The following ATF1 variants were observed in gnomAD, a reference collection of about 807,000 sequenced individuals.
The protein encoded by ATF1 is cyclic AMP-dependent transcription factor ATF-1.
Under a neutral mutation model 34.7 loss-of-function variants are expected in ATF1, and 16 were observed. That is an observed-to-expected ratio of 0.46 (90% CI 0.31 to 0.70). The LOEUF (loss-of-function observed/expected upper bound fraction) is 0.70, where lower values mean the gene tolerates loss of function less well. Ranked by LOEUF, ATF1 falls within the 30% of genes least tolerant of loss-of-function variation. The pLI is 0.05. For missense variants in ATF1, 255 were observed against 321.6 expected, an observed-to-expected ratio of 0.79 and a Z score of 1.58; for synonymous variants, 105 against 113.1, an observed-to-expected ratio of 0.93 and a Z score of 0.46.
chr12:50,767,220 T>TAA (rs71086474), intron 1 of ATF1, among the ~76,000 whole-genome samples: 58 of 147,388 alleles, frequency 3.9e-4, no homozygotes, highest in African/African-American at 8.0e-4. Context: ...AGTGAATGGT[T>TAA]AAAAAAAAAA....
chr12:50,819,532 T>C (rs1305627849), intron 6 of ATF1, 103 bp from the exon 7 acceptor site: 2 of 1,338,586 alleles, frequency 1.5e-6, no homozygotes, highest in East Asian at 4.7e-5. Context: ...AGATGATACT[T>C]TAAAGAGAAA....
At chr12:50,775,326 T>G (rs539432572) in intron 1 of ATF1, among the ~76,000 whole-genome samples, 77 of 151,418 alleles carry the variant, frequency 5.1e-4, no homozygotes, top group African/African-American at 1.1e-3. Context: ...ATATGTGTGT[T>G]TTTTTTTTGA....
At chr12:50,807,663 G>A (rs1163553748) in intron 3 of ATF1, among the ~76,000 whole-genome samples, 1 of 151,614 alleles carries the variant, frequency 6.6e-6, no homozygotes, top group South Asian at 2.1e-4. Context: ...ATTATTTTTT[G>A]TTGTTGTTTT....
intron 6 of ATF1, among the ~76,000 whole-genome samples, chr12:50,814,868 T>G (rs1941810781): frequency 6.6e-6 from 1 of 150,638 alleles, no homozygotes; most frequent in Admixed American, 6.7e-5. Context: ...GCATGGTGGC[T>G]CACGCCTGTA....
rs1941933809 is a variant in ATF1 at position 50,820,734 on chromosome 12, T to C, written c.*955T>C. 5.6e-6 allele frequency: 1 copy of C among 179,254 alleles called. No individual in the cohort carries two copies. Among genetic ancestry groups the C allele is most frequent in the Non-Finnish European group, 1.2e-5 (1 of 83,390 alleles). 11.1% of individuals were successfully genotyped at this position (179,254 alleles called of 1,614,324 possible). A position where few individuals can be genotyped will look rare whatever the true frequency, so the allele number is the denominator to read the frequency against. On this transcript the variant is annotated 3_prime_UTR_variant, in exon 7 of 7. Transcript: ENST00000262053. ...ATCAGATTCTATAATAGTATAGTTATTAAGGCAATTTTATGTTAGAGACTA... is the reference window on the plus strand; with the variant it reads ...ATCAGATTCTATAATAGTATAGTTACTAAGGCAATTTTATGTTAGAGACTA...
chr12:50,811,382 C>A (rs1476768994), intron 4 of ATF1, among the ~76,000 whole-genome samples: 2 of 152,000 alleles, frequency 1.3e-5, no homozygotes, highest in Non-Finnish European at 1.5e-5. Flanking sequence ...GGGAAAGAAC[C>A]TTTTGTTTCA....
intron 2 of ATF1, among the ~76,000 whole-genome samples, chr12:50,784,672 C>T (rs1422785464): frequency 2.6e-5 from 4 of 151,722 alleles, no homozygotes; most frequent in Admixed American, 2.0e-4. Flanking sequence ...CGTTATCTGG[C>T]GTATCTTAAA....
chr12:50,780,087 T>C (rs1565903001), intron 1 of ATF1, 53 bp from the exon 2 acceptor site: 4 of 1,363,894 alleles, frequency 2.9e-6, no homozygotes, highest in Non-Finnish European at 4.2e-6. Flanking sequence ...TATAGTATAC[T>C]GTAAACATTC....
intron 4 of ATF1, among the ~76,000 whole-genome samples, 183 bp from the exon 5 acceptor site, chr12:50,813,827 A>C (rs1432313704): frequency 8.5e-5 from 13 of 152,186 alleles, no homozygotes; most frequent in Admixed American, 8.5e-4. Flanking sequence ...AAAGAAAAAA[A>C]AAAAAGAAAT....
intron 6 of ATF1, 130 bp from the exon 7 acceptor site, chr12:50,819,505 A>T (rs185457687): frequency 1.9e-6 from 2 of 1,032,058 alleles, no homozygotes; most frequent in Non-Finnish European, 2.8e-6. Context: ...CTTAAGATCT[A>T]TGTATTCTCT....
chr12:50,796,013 A>T lies in ATF1; in HGVS notation c.194+4A>T. 6.3e-7 allele frequency: 1 copy of T among 1,598,630 alleles called. No individual in the cohort carries two copies. The highest frequency in any genetic ancestry group is 8.5e-7 in the Non-Finnish European group (1 of 1,172,648). On this transcript the variant is annotated splice_donor_region_variant and intron_variant, in intron 3 of 6. Transcript: ENST00000262053. ...TAGCACGGCGCCCATCTTACAGGTG[A>T]GTACTCTCTTGTATGAAGCCCTGCA...
At chr12:50,814,635 C>T (rs1054364203) in intron 6 of ATF1, among the ~76,000 whole-genome samples, 196 bp downstream of exon 6, 5 of 152,122 alleles carry the variant, frequency 3.3e-5, no homozygotes, top group Non-Finnish European at 7.3e-5. Context: ...TGTCATAGTG[C>T]AACACATTAC....
intron 1 of ATF1, among the ~76,000 whole-genome samples, chr12:50,774,994 T>C (rs561571592): frequency 1.3e-5 from 2 of 152,126 alleles, no homozygotes; most frequent in Non-Finnish European, 2.9e-5. Flanking sequence ...TCCGCCTGCC[T>C]CGGCCTCCCA....
intron 2 of ATF1, among the ~76,000 whole-genome samples, chr12:50,784,553 G>A (rs901635415): frequency 3.3e-5 from 5 of 152,156 alleles, no homozygotes; most frequent in African/African-American, 4.8e-5. Context: ...GAGAGGGTTG[G>A]GGTGCGAAGA....
At chr12:50,796,103 C>T (rs1019417564) in intron 3 of ATF1, 94 bp downstream of exon 3, 38 of 1,030,376 alleles carry the variant, frequency 3.7e-5, no homozygotes, top group Middle Eastern at 2.5e-4. Flanking sequence ...AGTTAGCACG[C>T]GTCAGTGTTA....
intron 1 of ATF1, among the ~76,000 whole-genome samples, chr12:50,776,130 GTGAAA>G (rs1407491533): frequency 6.6e-6 from 1 of 151,932 alleles, no homozygotes; most frequent in Non-Finnish European, 1.5e-5. Flanking sequence ...GGCTAACACA[GTGAAA>G]CCCCGTCTTT....
intron 1 of ATF1, among the ~76,000 whole-genome samples, chr12:50,771,722 T>G (rs1193997121): frequency 6.6e-6 from 1 of 152,030 alleles, no homozygotes; most frequent in African/African-American, 2.4e-5. Flanking sequence ...CGGGATGAGA[T>G]AGGAGGTCAG....
At chr12:50,775,318 ATG>A (rs1318688618) in intron 1 of ATF1, among the ~76,000 whole-genome samples, 1 of 151,826 alleles carries the variant, frequency 6.6e-6, no homozygotes, top group African/African-American at 2.4e-5. Context: ...TACTGTTGAT[ATG>A]TGTGTTTTTT....
chr12:50,819,871 C>A lies in ATF1; in HGVS notation c.*92C>A. 9.0e-7 allele frequency: 1 copy of A among 1,105,864 alleles called. No homozygotes were observed. Among genetic ancestry groups the A allele is most frequent in the Non-Finnish European group, 1.3e-6 (1 of 783,226 alleles). 68.5% of individuals were successfully genotyped at this position (1,105,864 alleles called of 1,614,324 possible). A position where few individuals can be genotyped will look rare whatever the true frequency, so the allele number is the denominator to read the frequency against. On this transcript the variant is annotated 3_prime_UTR_variant, in exon 7 of 7. Coordinates refer to ENST00000262053, the MANE Select transcript of ATF1 (RefSeq NM_005171.5). ...ATAAATTAAAAGGTCAAAACTGAAG[C>A]TTTTTATTTAGGCTTTTCCAAATCA... is the stretch of plus-strand genomic sequence containing the variant.
Sources: allele counts gnomAD v4.1 joint callset (sites outside exome capture counted in the v4.1 genomes callset), GRCh38; gene constraint gnomAD v4.1.1; transcripts MANE v1.5; gene names NCBI Gene and HGNC (gene_info 2026-07-23, HGNC 2026-07-21).